The following ALG13 variants were observed in gnomAD, a reference collection of about 807,000 sequenced individuals.
ALG13 encodes the protein ALG13 UDP-N-acetylglucosaminyltransferase subunit.
In ALG13, 11 loss-of-function variants were observed where a neutral mutation model predicts 87.8. The observed-to-expected ratio is 0.13, with a 90% CI of 0.08 to 0.21. The LOEUF (loss-of-function observed/expected upper bound fraction) is 0.21. Among genes scored for constraint, ALG13 ranks in the 10% least tolerant of loss-of-function variants. The pLI, the probability that ALG13 is intolerant of heterozygous loss-of-function variation, is 1.00. For missense variants in ALG13, 756 were observed against 866.1 expected, an observed-to-expected ratio of 0.87 and a Z score of 1.60; for synonymous variants, 320 against 306.3, an observed-to-expected ratio of 1.04 and a Z score of -0.47.
chrX:111,692,477 T>C (rs1471244412), intron 3 of ALG13, among the ~76,000 whole-genome samples: 1 of 111,585 alleles, frequency 9.0e-6, no homozygotes, highest in Non-Finnish European at 1.9e-5. Flanking sequence ...GGTATTGTTC[T>C]AGGAAACACT....
At chrX:111,734,919 T>A in intron 21 of ALG13, 132 bp from the exon 22 acceptor site, 1 of 455,572 alleles carries the variant, frequency 2.2e-6, no homozygotes, top group Non-Finnish European at 3.8e-6. Context: ...CTTTTAGAGC[T>A]TTGTCTTAGG....
chrX:111,685,660 C>T (rs1372769618), intron 3 of ALG13, among the ~76,000 whole-genome samples: 1 of 112,079 alleles, frequency 8.9e-6, no homozygotes, highest in East Asian at 2.8e-4. Flanking sequence ...AATAAATGAT[C>T]AAGGTATTTC....
intron 2 of ALG13, 39 bp from the exon 3 acceptor site, chrX:111,684,926 T>A: frequency 1.7e-6 from 2 of 1,165,513 alleles, no homozygotes; most frequent in South Asian, 4.0e-5. Flanking sequence ...CCTTAACTTA[T>A]TTCAAATTGT....
chrX:111,721,018 T>C lies in ALG13; in HGVS notation c.1327-585T>C, dbSNP rs138510699. 6.1e-3 allele frequency among the ~76,000 whole-genome samples: 660 copies of C among 107,398 alleles called. 5 individuals carry two copies. The highest frequency in any genetic ancestry group is 0.01 in the Non-Finnish European group (529 of 51,636). The allele number at this position is 107,398 out of a possible 115,157, so 93.3% of individuals were successfully genotyped here. A position where few individuals can be genotyped will look rare whatever the true frequency, so the allele number is the denominator to read the frequency against. ...TTTTAAAATATATGGCAAAATTTAT[T>C]GTGCGATTTATTTCTTGTTTTAATA... On this transcript the variant is annotated intron_variant, in intron 11 of 26. Transcript: ENST00000394780.
In ALG13 at chrX:111,712,543, C is replaced by A. The variant is rs895636270; in HGVS notation, c.932+13C>A. On this transcript the variant is annotated intron_variant, in intron 7 of 26. Transcript: ENST00000394780. ...CTCTAATTTATAAGTAAGTTATATC[C>A]TCTTTTCTTTGAGAGTGGGTATGTG... is the stretch of plus-strand genomic sequence containing the variant. 1 of 1,118,787 alleles carries A rather than the reference C, an allele frequency of 8.9e-7. No individual in the cohort carries two copies. Among genetic ancestry groups the A allele is most frequent in the East Asian group, 3.0e-5 (1 of 32,953 alleles). 92.2% of individuals were successfully genotyped at this position (1,118,787 alleles called of 1,213,427 possible). A position where few individuals can be genotyped will look rare whatever the true frequency, so the allele number is the denominator to read the frequency against.
chrX:111,739,151 T>G (rs1943531835), intron 23 of ALG13, among the ~76,000 whole-genome samples: 1 of 111,910 alleles, frequency 8.9e-6, no homozygotes, highest in Non-Finnish European at 1.9e-5. Flanking sequence ...AAACTTGCAA[T>G]CATGGCGGAA....
Position 111,723,899 on chromosome X carries a change from G to GTAGGAATA in ALG13, c.1601+3_1601+10dup. ...TCTTCATTGAAGAATTGGCGGAAAA[G>GTAGGAATA]TAGGAATATGATAATTTGTTGAATT... is the stretch of plus-strand genomic sequence containing the variant. On this transcript the variant is annotated splice_donor_variant, in intron 14 of 26. Transcript: ENST00000394780. LOFTEE classifies it high-confidence loss of function. 2.7e-6 allele frequency: 3 copies of GTAGGAATA among 1,093,135 alleles called. No individual in the cohort carries two copies. The highest frequency in any genetic ancestry group is 3.7e-5 in the African/African-American group (2 of 54,555). 90.1% of individuals were successfully genotyped at this position (1,093,135 alleles called of 1,213,427 possible). A position where few individuals can be genotyped will look rare whatever the true frequency, so the allele number is the denominator to read the frequency against.
intron 3 of ALG13, among the ~76,000 whole-genome samples, chrX:111,692,863 A>C (rs142048752): frequency 0.11 from 11,669 of 108,966 alleles, 1,427 homozygotes; most frequent in African/African-American, 0.36. Flanking sequence ...GTGGCAAGAT[A>C]TTGGCTCCTC....
chrX:111,722,933 A>G (rs1941557620), intron 13 of ALG13, 76 bp downstream of exon 13: 1 of 716,926 alleles, frequency 1.4e-6, no homozygotes, highest in Non-Finnish European at 2.1e-6. Flanking sequence ...AACAAGACTT[A>G]TTTACAAAGT....
At chrX:111,723,409 A>T (rs954670239) in intron 13 of ALG13, among the ~76,000 whole-genome samples, 1 of 110,155 alleles carries the variant, frequency 9.1e-6, no homozygotes, top group African/African-American at 3.3e-5. Flanking sequence ...AAGTGCTGGG[A>T]TTACAGGTGT....
chrX:111,723,979 G>C, intron 14 of ALG13, 81 bp downstream of exon 14: 1 of 619,128 alleles, frequency 1.6e-6, no homozygotes, highest in East Asian at 3.7e-5. Context: ...AGAATTACCA[G>C]GATGCTAGTA....
intron 3 of ALG13, among the ~76,000 whole-genome samples, chrX:111,692,423 T>G (rs1221745511): frequency 8.9e-6 from 1 of 112,140 alleles, no homozygotes; most frequent in African/African-American, 3.2e-5. Context: ...ATGAATGCAC[T>G]TCTGTAACCT....
chrX:111,736,999 C>A, intron 23 of ALG13, 120 bp downstream of exon 23: 1 of 616,877 alleles, frequency 1.6e-6, no homozygotes, highest in Non-Finnish European at 2.4e-6. Context: ...TTTATTTAAC[C>A]TACTTAATTA....
In ALG13 at chrX:111,736,409, C is replaced by T. The variant is rs1042518405; in HGVS notation, c.2530-305C>T. 1.6e-4 allele frequency among the ~76,000 whole-genome samples: 18 copies of T among 111,381 alleles called. No homozygotes were observed. In the South Asian group the frequency reaches 1.9e-3, roughly 12 times the overall value. On this transcript the variant is annotated intron_variant, in intron 22 of 26. Transcript: ENST00000394780. The stretch of plus-strand genomic sequence containing the variant: ...GCCCAGAGGTTAACTGTTTGGGGAG[C>T]GGGCAACTAGGCAGACAGGACAGGG...
At chrX:111,712,588 T>C in intron 7 of ALG13, 58 bp downstream of exon 7, 1 of 675,096 alleles carries the variant, frequency 1.5e-6, no homozygotes, top group Non-Finnish European at 2.2e-6. Context: ...GTGTATAAGA[T>C]CTCAACGGTC....
At chrX:111,699,839 A>G (rs1373020369) in intron 3 of ALG13, among the ~76,000 whole-genome samples, 1 of 109,964 alleles carries the variant, frequency 9.1e-6, no homozygotes, top group Non-Finnish European at 1.9e-5. Flanking sequence ...TGTTCTTTTT[A>G]CTGAAGATTA....
Position 111,682,138 on chromosome X carries a change from G to A in ALG13, c.88G>A (p.Glu30Lys). 1 of 1,174,451 alleles carries A rather than the reference G, an allele frequency of 8.5e-7. No individual in the cohort carries two copies. The highest frequency in any genetic ancestry group is 2.0e-5 in the South Asian group (1 of 50,631). ...TTCTGATTTCCTCTTTCAGAAAATCGAGAGCCTTGGTTACAACCGACTTAT... is the reference window on the plus strand; with the variant it reads ...TTCTGATTTCCTCTTTCAGAAAATCAAGAGCCTTGGTTACAACCGACTTAT... ...VSAPDSLQKI[E>K]SLGYNRLILQ... The change falls in exon 2 of 27, where the codon GAG becomes AAG. Residue 30 changes from glutamate (E) to lysine (K), a missense_variant. By Grantham distance (56) the Glu-to-Lys change is moderately conservative (BLOSUM62 1). Transcript: ENST00000394780.
chrX:111,740,395 TGAATTA>T (rs1244563706), intron 23 of ALG13, among the ~76,000 whole-genome samples: 2 of 111,368 alleles, frequency 1.8e-5, no homozygotes, highest in Non-Finnish European at 3.8e-5. Context: ...GTCTTGAACT[TGAATTA>T]GAAGTATCAG....
At chrX:111,720,009 C>A in intron 10 of ALG13, 86 bp from the exon 11 acceptor site, 1 of 569,523 alleles carries the variant, frequency 1.8e-6, no homozygotes, top group Non-Finnish European at 2.7e-6. Flanking sequence ...GTTAATTTAC[C>A]ACTAGGTGGT....
Sources: allele counts gnomAD v4.1 joint callset (sites outside exome capture counted in the v4.1 genomes callset), GRCh38; gene constraint gnomAD v4.1.1; transcripts MANE v1.5; gene names NCBI Gene and HGNC (gene_info 2026-07-23, HGNC 2026-07-21).